Variants in MPZ observed in about 807,000 individuals in gnomAD.
MPZ encodes myelin protein P0.
A neutral mutation model predicts 27.9 loss-of-function variants in MPZ; 13 were observed. The observed-to-expected ratio is 0.47, with a 90% confidence interval of 0.30 to 0.74. The LOEUF (loss-of-function observed/expected upper bound fraction) is 0.74. Ranked by LOEUF, MPZ falls within the 30% of genes least tolerant of loss-of-function variation. MPZ has a pLI of 0.06. For missense variants in MPZ, 256 were observed against 317.5 expected (o/e 0.81, Z 1.47); for synonymous variants, 118 against 128.9 (o/e 0.92, Z 0.57).
At chr1:161,308,041 T>C (rs1160942616) in intron 1 of MPZ, among the ~76,000 whole-genome samples, 1 of 152,224 alleles carries the variant, frequency 6.6e-6, no homozygotes, top group Non-Finnish European at 1.5e-5. Context: ...TCTTTTTGCT[T>C]AAGAACTTAC....
intron 1 of MPZ, among the ~76,000 whole-genome samples, chr1:161,309,552 A>ATTTTTTTTTTTTTTTTTTTTT (rs1215409194): frequency 2.5e-5 from 2 of 80,640 alleles, no homozygotes; most frequent in Non-Finnish European, 4.7e-5. Flanking sequence ...ATATATATAT[A>ATTTTTTTTTTTTTTTTTTTTT]TTTTTTTTTT....
chr1:161,306,209 A>G (rs1194921133), intron 4 of MPZ, 41 bp from the exon 5 acceptor site: 1 of 1,612,516 alleles, frequency 6.2e-7, no homozygotes, highest in Non-Finnish European at 8.5e-7. Context: ...CCTCGCCGGA[A>G]CCCCTTGCAC....
At chr1:161,306,557 A>G (rs1241392022) in intron 3 of MPZ, 93 bp from the exon 4 acceptor site, 2 of 1,577,632 alleles carry the variant, frequency 1.3e-6, no homozygotes, top group South Asian at 1.1e-5. Flanking sequence ...AGGATGTAGG[A>G]CTCCCAGCTA....
chr1:161,307,037 A>AAAC, intron 2 of MPZ, 116 bp from the exon 3 acceptor site: 3 of 920,676 alleles, frequency 3.3e-6, no homozygotes, highest in Non-Finnish European at 1.6e-6. Context: ...AAAAAAAAAA[A>AAAC]AGCTTCGCTC....
rs1064796625 is a variant in MPZ at position 161,306,143 on chromosome 1, T to C, written c.610A>G (p.Lys204Glu). Residue 204 changes from lysine to glutamate, a missense_variant, in exon 5 of 6, where the codon AAG becomes GAG. Lys to Glu is a moderately conservative substitution (Grantham distance 56). Transcript: ENST00000533357. ...LSAMEKGKLHKPGKDASKRGR... is the reference protein window; with the variant it reads ...LSAMEKGKLHEPGKDASKRGR... ...CGCTTCGACGCGTCCTTTCCTGGCTTGTGCAATTTCCCCTTCTCCATAGCA... is the reference window on the plus strand; with the variant it reads ...CGCTTCGACGCGTCCTTTCCTGGCTCGTGCAATTTCCCCTTCTCCATAGCA... 1.2e-6 allele frequency: 2 copies of C among 1,614,236 alleles called. No homozygotes were observed. Among genetic ancestry groups the C allele is most frequent in the Non-Finnish European group, 1.7e-6 (2 of 1,180,040 alleles).
Position 161,309,552 on chromosome 1 carries a change from A to ATATATATTTTTTT in MPZ, c.67+286_67+287insAAAAAAATATATA. On this transcript the variant is annotated intron_variant, in intron 1 of 5. Coordinates refer to ENST00000533357, the MANE Select transcript of MPZ (RefSeq NM_000530.8). Reference sequence around the variant, plus strand: ...TTTCTTTTCATATATATATATATATATTTTTTTTTTTTTTGAATTTTACAG... The same window carrying ATATATATTTTTTT: ...TTTCTTTTCATATATATATATATATATATATATTTTTTTTTTTTTTTTTTTTTGAATTTTACAG... Among the ~76,000 whole-genome samples, 96 of 80,602 alleles carry ATATATATTTTTTT rather than the reference A, an allele frequency of 1.2e-3. 2 individuals carry two copies. The highest frequency in any genetic ancestry group is 1.0e-2 in the South Asian group (26 of 2,608). The allele number at this position is 80,602 out of a possible 152,430, so 52.9% of individuals were successfully genotyped here.
chr1:161,307,110 G>C, intron 2 of MPZ, 148 bp downstream of exon 2: 1 of 1,143,856 alleles, frequency 8.7e-7, no homozygotes, highest in East Asian at 2.6e-5. Context: ...GGACAATGTA[G>C]TCAGGGTGAC....
Position 161,306,345 on chromosome 1 carries a change from G to A in MPZ, c.568C>T (p.Leu190=). The change falls in exon 4 of 6, where the codon CTG becomes TTG. Residue 190 remains leucine, a synonymous_variant. Transcript: ENST00000533357. ...RYCWLRRQAA[L]QRRLSAMEKG... ...GCCCCTTACCTGAGCCTCCTCTGCA[G>A]GGCCGCCTGCCTGCGTAGCCAGCAG... The A allele has an allele frequency of 6.2e-7, 1 of 1,614,216 alleles. No individual in the cohort carries two copies. The highest frequency in any genetic ancestry group is 8.5e-7 in the Non-Finnish European group (1 of 1,180,042).
chr1:161,305,875 G>A lies in MPZ; in HGVS notation c.*1C>T, dbSNP rs751066172. 3.4e-6 allele frequency: 5 copies of A among 1,451,278 alleles called. No homozygotes were observed. The highest frequency in any genetic ancestry group is 2.8e-5 in the African/African-American group (2 of 70,406). The allele number at this position is 1,451,278 out of a possible 1,614,324, so 89.9% of individuals were successfully genotyped here. On this transcript the variant is annotated 3_prime_UTR_variant, in exon 6 of 6. Transcript: ENST00000533357. ...CGATCCCCCGCCCGGCCCGCTAACC[G>A]CTATTTCTTATCCTTGCGAGACTCC...
rs1352220911 is a variant in MPZ at position 161,306,881 on chromosome 1, A to T, written c.275T>A (p.Val92Glu). ...YAKGQPYIDE[V>E]GTFKERIQWV... ...CTGGATGCGCTCTTTGAAGGTCCCC[A>T]CCTCGTCAATGTAGGGTTGTCCCTT... The change falls in exon 3 of 6, where the codon GTG becomes GAG. Residue 92 changes from valine (V) to glutamate (E), a missense_variant. By Grantham distance (121) the Val-to-Glu change is moderately radical. Coordinates refer to ENST00000533357, the MANE Select transcript of MPZ (RefSeq NM_000530.8). The T allele has an allele frequency of 8.1e-6, 13 of 1,613,680 alleles. No individual in the cohort carries two copies. Among genetic ancestry groups the T allele is most frequent in the Middle Eastern group, 3.4e-4 (2 of 5,912 alleles).
chr1:161,305,597 G>T lies in MPZ; in HGVS notation c.*279C>A. 1 of 507,810 alleles carries T rather than the reference G, an allele frequency of 2.0e-6. No homozygotes were observed. The allele number at this position is 507,810 out of a possible 1,614,324, so 31.5% of individuals were successfully genotyped here. On this transcript the variant is annotated 3_prime_UTR_variant, in exon 6 of 6. Transcript: ENST00000533357. ...GGGAGGTGAGGGCAGGGCAGGGCGG[G>T]GGAGCAAAGAGGGAAAGCACCTAGA... is the stretch of plus-strand genomic sequence containing the variant.
At chr1:161,308,652 C>A (rs1010235655) in intron 1 of MPZ, among the ~76,000 whole-genome samples, 2 of 152,178 alleles carry the variant, frequency 1.3e-5, no homozygotes, top group Admixed American at 6.5e-5. Context: ...TGGGAATCCC[C>A]CTTGTTTAAC....
intron 2 of MPZ, 116 bp from the exon 3 acceptor site, chr1:161,307,037 A>AAAAAAAAC: frequency 1.1e-6 from 1 of 920,674 alleles, no homozygotes; most frequent in Non-Finnish European, 1.6e-6. Context: ...AAAAAAAAAA[A>AAAAAAAAC]AGCTTCGCTC....
chr1:161,308,905 G>A (rs1670324504), intron 1 of MPZ, among the ~76,000 whole-genome samples: 1 of 152,072 alleles, frequency 6.6e-6, no homozygotes. Flanking sequence ...AGAGTCTAGG[G>A]CTCAAGCAGC....
intron 1 of MPZ, among the ~76,000 whole-genome samples, chr1:161,309,222 G>A (rs747132891): frequency 1.2e-4 from 18 of 152,294 alleles, no homozygotes; most frequent in Non-Finnish European, 7.3e-5. Context: ...AAAATCTGAG[G>A]AGCTGAGACC....
rs1670220607 is a variant in MPZ, at chr1:161,305,803, C to G, written c.*73G>C. 2.7e-6 allele frequency: 3 copies of G among 1,124,564 alleles called. No homozygotes were observed. Among genetic ancestry groups the G allele is most frequent in the Non-Finnish European group, 3.9e-6 (3 of 761,858 alleles). 69.7% of individuals were successfully genotyped at this position (1,124,564 alleles called of 1,614,324 possible). On this transcript the variant is annotated 3_prime_UTR_variant, in exon 6 of 6. Coordinates refer to ENST00000533357, the MANE Select transcript of MPZ (RefSeq NM_000530.8). ...TGCTCATCCTTTCGTAGCTCCATCTCGATGACCATCACCTTTGGGCCTTTG... is the reference window on the plus strand; with the variant it reads ...TGCTCATCCTTTCGTAGCTCCATCTGGATGACCATCACCTTTGGGCCTTTG...
In MPZ at chr1:161,306,691, C is replaced by T. The variant is rs1172824315; in HGVS notation, c.448+17G>A. The T allele has an allele frequency of 8.1e-6, 13 of 1,612,212 alleles. No individual in the cohort carries two copies. The highest frequency in any genetic ancestry group is 1.1e-5 in the Non-Finnish European group (13 of 1,178,368). ...CCAAACTGCTTCCCATACCCTTGTCCCCATCCCTTCTCACACCTTTTTCAA... is the reference window on the plus strand; with the variant it reads ...CCAAACTGCTTCCCATACCCTTGTCTCCATCCCTTCTCACACCTTTTTCAA... On this transcript the variant is annotated intron_variant, in intron 3 of 5. Transcript: ENST00000533357.
In MPZ at chr1:161,304,817, A is replaced by T. The variant is rs1036622984; in HGVS notation, c.*1059T>A. The T allele has an allele frequency of 6.5e-6, 1 of 152,700 alleles. No individual in the cohort carries two copies. Among genetic ancestry groups the T allele is most frequent in the Non-Finnish European group, 1.5e-5 (1 of 68,024 alleles). 9.5% of individuals were successfully genotyped at this position (152,700 alleles called of 1,614,324 possible). ...ATATACAGAATGTAGAAAAATCCTA[A>T]GAATCCCCTGTGGCTGCAGTGCAGC... On this transcript the variant is annotated 3_prime_UTR_variant, in exon 6 of 6. Transcript: ENST00000533357.
At chr1:161,306,293 G>A in intron 4 of MPZ, 36 bp downstream of exon 4, 1 of 1,613,952 alleles carries the variant, frequency 6.2e-7, no homozygotes, top group South Asian at 1.1e-5. Flanking sequence ...GGGGATAGTG[G>A]GGAGAGGGGG....
Sources: gnomAD v4.1 joint callset for allele counts (sites outside exome capture counted in the v4.1 genomes callset) on GRCh38, gnomAD v4.1.1 for gene constraint, MANE v1.5 for transcripts, NCBI Gene and HGNC (gene_info 2026-07-23, HGNC 2026-07-21) for gene names.